The following CLIC4 variants were observed in gnomAD, a reference collection of about 807,000 sequenced individuals.
The protein encoded by CLIC4 is CLIC family member 4.
Under a neutral mutation model 24.6 loss-of-function variants are expected in CLIC4, and 13 were observed. That is an observed-to-expected ratio of 0.53 (90% CI 0.34 to 0.84). The LOEUF (loss-of-function observed/expected upper bound fraction) is 0.84. Among genes scored for constraint, CLIC4 ranks in the 40% least tolerant of loss-of-function variants. The pLI, the probability that CLIC4 is intolerant of heterozygous loss-of-function variation, is 0.01. For synonymous variants in CLIC4, 104 were observed against 111.3 expected (o/e 0.93, Z 0.41); for missense variants, 227 against 301.7 (o/e 0.75, Z 1.83).
At chr1:24,756,959 G>A (rs1362475144) in intron 1 of CLIC4, among the ~76,000 whole-genome samples, 2 of 151,410 alleles carry the variant, frequency 1.3e-5, no homozygotes, top group South Asian at 2.1e-4. Flanking sequence ...GCAATGGCAC[G>A]ATCTCTGCTC....
rs1639048436 is a variant in CLIC4, at chr1:24,769,658, A to G, written c.72+24033A>G. ...AAAAATTCTGAGAATATTTAAGGATATTTCTAAAACATACTAACAACTAGT... is the reference window on the plus strand; with the variant it reads ...AAAAATTCTGAGAATATTTAAGGATGTTTCTAAAACATACTAACAACTAGT... On this transcript the variant is annotated intron_variant, in intron 1 of 5. Coordinates refer to ENST00000374379, the MANE Select transcript of CLIC4 (RefSeq NM_013943.3). Among the ~76,000 whole-genome samples, 6 of 152,156 alleles carry G rather than the reference A, an allele frequency of 3.9e-5. No homozygotes were observed. In the South Asian group the frequency reaches 1.2e-3, roughly 32 times the overall value.
rs1639920344 is a variant in CLIC4, at chr1:24,839,560, A to C, written c.416-300A>C. ...GTGATCTGCCTGCCTCGGCCTCCCA[A>C]AGTGCTGGGATTACAGGCGTGAGCC... On this transcript the variant is annotated intron_variant, in intron 4 of 5. Transcript: ENST00000374379. Among the ~76,000 whole-genome samples the C allele has an allele frequency of 1.3e-5, 2 of 152,112 alleles. 1 individual carries two copies. The highest frequency in any genetic ancestry group is 4.2e-4 in the South Asian group (2 of 4,818).
chr1:24,765,241 CT>C (rs1638979076), intron 1 of CLIC4, among the ~76,000 whole-genome samples: 1 of 152,120 alleles, frequency 6.6e-6, no homozygotes, highest in South Asian at 2.1e-4. Context: ...TTATGGAGTG[CT>C]TTCTATGTGC....
At chr1:24,820,987 C>T (rs1039609797) in intron 3 of CLIC4, among the ~76,000 whole-genome samples, 1 of 152,010 alleles carries the variant, frequency 6.6e-6, no homozygotes, top group Non-Finnish European at 1.5e-5. Context: ...AGTTCAAGAC[C>T]AGCCTGGGCA....
chr1:24,838,375 T>C (rs1639906527), intron 4 of CLIC4, among the ~76,000 whole-genome samples: 1 of 152,198 alleles, frequency 6.6e-6, no homozygotes, highest in Non-Finnish European at 1.5e-5. Flanking sequence ...TTTCCTAAAA[T>C]CCGTTCATTC....
At chr1:24,761,008 G>A (rs1333307237) in intron 1 of CLIC4, among the ~76,000 whole-genome samples, 1 of 152,114 alleles carries the variant, frequency 6.6e-6, no homozygotes, top group African/African-American at 2.4e-5. Context: ...GAATAAGGTG[G>A]GAAGTTGCTG....
intron 4 of CLIC4, among the ~76,000 whole-genome samples, chr1:24,829,956 G>C (rs931513258): frequency 8.5e-5 from 13 of 152,120 alleles, no homozygotes; most frequent in African/African-American, 3.1e-4. Flanking sequence ...GTTTGTATAA[G>C]GTTACCCTTT....
chr1:24,792,009 A>G (rs1436951329), intron 1 of CLIC4, among the ~76,000 whole-genome samples: 1 of 149,618 alleles, frequency 6.7e-6, no homozygotes, highest in African/African-American at 2.5e-5. Context: ...AGATGACACC[A>G]CTGTACTCCA....
At chr1:24,770,377 T>C (rs1002897856) in intron 1 of CLIC4, among the ~76,000 whole-genome samples, 2 of 151,858 alleles carry the variant, frequency 1.3e-5, no homozygotes, top group African/African-American at 4.8e-5. Flanking sequence ...CAAGACTTTA[T>C]CCATATTAGG....
chr1:24,822,667 C>T (rs1639747417), intron 3 of CLIC4, among the ~76,000 whole-genome samples: 1 of 152,136 alleles, frequency 6.6e-6, no homozygotes, highest in Admixed American at 6.6e-5. Context: ...TTTGAAAAAG[C>T]AGGTGAATCT....
chr1:24,840,238 A>T (rs1639928581), intron 5 of CLIC4, among the ~76,000 whole-genome samples, 197 bp downstream of exon 5: 1 of 152,230 alleles, frequency 6.6e-6, no homozygotes, highest in African/African-American at 2.4e-5. Context: ...TATAAGAAAG[A>T]TGAATATTTT....
intron 1 of CLIC4, among the ~76,000 whole-genome samples, chr1:24,772,626 C>G (rs920472947): frequency 4.6e-5 from 7 of 152,098 alleles, no homozygotes; most frequent in African/African-American, 1.7e-4. Context: ...GCTGGAATTA[C>G]AGGTGCCCGC....
chr1:24,784,498 C>T (rs1639241798), intron 1 of CLIC4, among the ~76,000 whole-genome samples: 1 of 152,152 alleles, frequency 6.6e-6, no homozygotes, highest in Non-Finnish European at 1.5e-5. Flanking sequence ...AGAGATTTGT[C>T]TTCAATAAGG....
At chr1:24,776,539 A>G (rs1455841855) in intron 1 of CLIC4, among the ~76,000 whole-genome samples, 1 of 152,238 alleles carries the variant, frequency 6.6e-6, no homozygotes, top group African/African-American at 2.4e-5. Flanking sequence ...TTTAAATTTT[A>G]GAATAGTTTT....
chr1:24,839,816 T>C (rs1035760386), intron 4 of CLIC4, 44 bp from the exon 5 acceptor site: 4 of 1,551,850 alleles, frequency 2.6e-6, no homozygotes, highest in Non-Finnish European at 2.6e-6. Flanking sequence ...ACTTGAGTGG[T>C]TTTCCTTCTT....
At chr1:24,815,117 T>A (rs2124153537) in intron 3 of CLIC4, among the ~76,000 whole-genome samples, 1 of 152,356 alleles carries the variant, frequency 6.6e-6, no homozygotes, top group South Asian at 2.1e-4. Context: ...ATGTAAAAGT[T>A]ATATTTACAG....
intron 2 of CLIC4, among the ~76,000 whole-genome samples, chr1:24,805,872 C>G (rs1039552793): frequency 6.6e-6 from 1 of 152,104 alleles, no homozygotes; most frequent in Non-Finnish European, 1.5e-5. Context: ...CCTTTTCATT[C>G]GTTTCTTTTC....
chr1:24,798,914 C>G (rs928310177), intron 2 of CLIC4, among the ~76,000 whole-genome samples: 7 of 152,246 alleles, frequency 4.6e-5, no homozygotes, highest in Non-Finnish European at 1.0e-4. Flanking sequence ...CCCGAGGTGC[C>G]GGGATTGCAG....
rs185948928 is a variant in CLIC4, at chr1:24,839,489, C to T, written c.416-371C>T. Among the ~76,000 whole-genome samples, 42 of 152,036 alleles carry T rather than the reference C, an allele frequency of 2.8e-4. No homozygotes were observed. The East Asian group carries it at 7.9e-3, about 29-fold the overall frequency. On this transcript the variant is annotated intron_variant, in intron 4 of 5. Coordinates refer to ENST00000374379, the MANE Select transcript of CLIC4 (RefSeq NM_013943.3). ...TAATTTTTTGTATTTTTAGTAGAGACGAGGTTTCACCGTGTTAGCCAGGAT... is the reference window on the plus strand; with the variant it reads ...TAATTTTTTGTATTTTTAGTAGAGATGAGGTTTCACCGTGTTAGCCAGGAT...
Sources: gnomAD v4.1 joint callset for allele counts (sites outside exome capture counted in the v4.1 genomes callset) on GRCh38, gnomAD v4.1.1 for gene constraint, MANE v1.5 for transcripts, NCBI Gene and HGNC (gene_info 2026-07-23, HGNC 2026-07-21) for gene names.